The following SNRNP200 variants were observed in gnomAD, a reference collection of about 807,000 sequenced individuals.
SNRNP200 encodes small nuclear ribonucleoprotein U5 subunit 200, also known as U5 small nuclear ribonucleoprotein 200 kDa helicase.
Under a neutral mutation model 255.2 loss-of-function variants are expected in SNRNP200, and 66 were observed. That is an observed-to-expected ratio of 0.26 (90% CI 0.21 to 0.32). SNRNP200 has a LOEUF of 0.32. SNRNP200 is among the 10% of genes least tolerant of loss of function. The probability of loss-of-function intolerance (pLI) is 1.00; values close to 1 mark genes in which losing one functional copy is unlikely to be tolerated. For missense variants in SNRNP200, 1,585 were observed against 2,749.8 expected (o/e 0.58, Z 9.47); for synonymous variants, 939 against 1,027.8 (o/e 0.91, Z 1.65).
chr2:96,284,970 G>T lies in SNRNP200; in HGVS notation c.4164+210C>A, dbSNP rs1305551962. The T allele has an allele frequency of 4.6e-6, 3 of 654,926 alleles. No homozygotes were observed. The African/African-American group carries it at 5.4e-5, about 12-fold the overall frequency. The allele number at this position is 654,926 out of a possible 1,614,324, so 40.6% of individuals were successfully genotyped here. On this transcript the variant is annotated intron_variant, in intron 30 of 44. Transcript: ENST00000323853. ...TCACCATGTTGGCCAGGCTGGTCTC[G>T]AACTCCTGATCTCCGGAGATCTGCC...
At chr2:96,295,704 G>A in intron 13 of SNRNP200, 46 bp from the exon 14 acceptor site, 1 of 1,601,620 alleles carries the variant, frequency 6.2e-7, no homozygotes, top group Non-Finnish European at 8.5e-7. Flanking sequence ...GAAGGGGCCT[G>A]GACACCATGC....
In SNRNP200 at chr2:96,278,927, G is replaced by A; in HGVS notation, c.5205C>T (p.His1735=). ...ESHLDHCMHD[H]FNAEIVTKTI... ...TCTTGGTGACGATCTCAGCATTGAA[G>A]TGGTCATGCATACAGTGGTCCAGGT... The change falls in exon 37 of 45, where the codon CAC becomes CAT. Residue 1735 remains histidine, a synonymous_variant. Coordinates refer to ENST00000323853, the MANE Select transcript of SNRNP200 (RefSeq NM_014014.5). This position sits in a 1 kb window ranked among gnomAD's most constrained non-coding sequence, Gnocchi z 6.9. 1 of 1,614,168 alleles carries A rather than the reference G, an allele frequency of 6.2e-7. No individual in the cohort carries two copies. Among genetic ancestry groups the A allele is most frequent in the Non-Finnish European group, 8.5e-7 (1 of 1,179,962 alleles).
rs1351687362 is a variant in SNRNP200, at chr2:96,290,464, T to G, written c.2604A>C (p.Ile868=). ...RPQYDTKGEG[I]LITSHGELQY... ...GTAGCTCCCCATGAGATGTGATGAG[T>G]ATGCCTTCACCCTTGGTGTCATACT... The change falls in exon 20 of 45, where the codon ATA becomes ATC. Residue 868 remains isoleucine (I), a synonymous_variant. Transcript: ENST00000323853. The surrounding 1 kb of genome is among the most constrained non-coding windows in gnomAD (Gnocchi z 4.5). The G allele has an allele frequency of 6.2e-7, 1 of 1,614,134 alleles. No homozygotes were observed. Among genetic ancestry groups the G allele is most frequent in the Non-Finnish European group, 8.5e-7 (1 of 1,180,008 alleles).
Position 96,290,876 on chromosome 2 carries a change from T to C in SNRNP200, c.2422-61A>G. On this transcript the variant is annotated intron_variant, in intron 18 of 44. Transcript: ENST00000323853. The surrounding 1 kb of genome is among the most constrained non-coding windows in gnomAD (Gnocchi z 4.5). ...TGCCATCACCAGGGGTTAATATCCC[T>C]GGCTTCTCTAGGCAGTTGGCCTCAG... The C allele has an allele frequency of 6.2e-7, 1 of 1,610,170 alleles. No homozygotes were observed. Among genetic ancestry groups the C allele is most frequent in the Non-Finnish European group, 8.5e-7 (1 of 1,177,594 alleles).
chr2:96,278,132 G>A lies in SNRNP200; in HGVS notation c.5610+105C>T, dbSNP rs545841446. 32 of 1,569,924 alleles carry A rather than the reference G, an allele frequency of 2.0e-5. No individual in the cohort carries two copies. Among genetic ancestry groups the A allele is most frequent in the African/African-American group, 2.0e-4 (15 of 74,146 alleles). ...AGCGGGAGGACATATGGCGGGGGTC[G>A]GGGGATGCGTATGGGCGTGTTGGTG... On this transcript the variant is annotated intron_variant, in intron 39 of 44. Transcript: ENST00000323853. This position sits in a 1 kb window ranked among gnomAD's most constrained non-coding sequence, Gnocchi z 6.9.
In SNRNP200 at chr2:96,274,538, G is replaced by T. The variant is rs1248651358; in HGVS notation, c.*474C>A. 1 of 228,858 alleles carries T rather than the reference G, an allele frequency of 4.4e-6. No homozygotes were observed. 14.2% of individuals were successfully genotyped at this position (228,858 alleles called of 1,614,324 possible). ...GATGTGTGGGTACCACTGAGGCCAGGCCACAGTCGCATGTACCCTCCTCTG... is the reference window on the plus strand; with the variant it reads ...GATGTGTGGGTACCACTGAGGCCAGTCCACAGTCGCATGTACCCTCCTCTG... On this transcript the variant is annotated 3_prime_UTR_variant, in exon 45 of 45. Coordinates refer to ENST00000323853, the MANE Select transcript of SNRNP200 (RefSeq NM_014014.5).
chr2:96,285,379 A>G (rs754330495), intron 29 of SNRNP200, 39 bp from the exon 30 acceptor site: 2 of 1,605,580 alleles, frequency 1.2e-6, no homozygotes, highest in Admixed American at 1.7e-5. Flanking sequence ...AGTATCAAGA[A>G]GGAAGAAGAG....
rs895127555 is a variant in SNRNP200, at chr2:96,287,674, A to T, written c.3366-117T>A. 7 of 938,336 alleles carry T rather than the reference A, an allele frequency of 7.5e-6. No homozygotes were observed. The highest frequency in any genetic ancestry group is 1.7e-5 in the Admixed American group (1 of 58,938). 58.1% of individuals were successfully genotyped at this position (938,336 alleles called of 1,614,324 possible). A position where few individuals can be genotyped will look rare whatever the true frequency, so the allele number is the denominator to read the frequency against. On this transcript the variant is annotated intron_variant, in intron 25 of 44. Transcript: ENST00000323853. This position sits in a 1 kb window ranked among gnomAD's most constrained non-coding sequence, Gnocchi z 5.7. ...CACAAAACACAGTCATTAAAGGCAG[A>T]CACTGACACTGTGCCAGCCCTGGCC...
chr2:96,282,146 T>C (rs2063802657), intron 34 of SNRNP200: 2 of 526,250 alleles, frequency 3.8e-6, no homozygotes, highest in South Asian at 4.1e-5. Flanking sequence ...AAACAAGTCA[T>C]CATAGAACAG....
rs2063819456 is a variant in SNRNP200 at position 96,283,462 on chromosome 2, A to G, written c.4763+73T>C. 1.2e-6 allele frequency: 2 copies of G among 1,612,454 alleles called. No homozygotes were observed. The highest frequency in any genetic ancestry group is 1.3e-5 in the African/African-American group (1 of 74,818). The stretch of plus-strand genomic sequence containing the variant: ...CAACATGGGCTAACCCCACCCTCAT[A>G]AAGAGGACACCCTTGGAGTAGGCCA... On this transcript the variant is annotated intron_variant, in intron 33 of 44. Coordinates refer to ENST00000323853, the MANE Select transcript of SNRNP200 (RefSeq NM_014014.5). This position sits in a 1 kb window ranked among gnomAD's most constrained non-coding sequence, Gnocchi z 4.7.
chr2:96,289,803 A>G lies in SNRNP200; in HGVS notation c.2936T>C (p.Phe979Ser). The change falls in exon 21 of 45, where the codon TTC becomes TCC. Residue 979 changes from phenylalanine (F) to serine (S), a missense_variant. Transcript: ENST00000323853. ...CAAAACCCTCACCCCACGCACCTGGAAGTTGCCCGTCTTCTTGTCGTACTT... is the reference window on the plus strand; with the variant it reads ...CAAAACCCTCACCCCACGCACCTGGGAGTTGCCCGTCTTCTTGTCGTACTT... ...LVKYDKKTGN[F>S]QVTELGRIAS... 6.2e-7 allele frequency: 1 copy of G among 1,614,036 alleles called. No homozygotes were observed. Among genetic ancestry groups the G allele is most frequent in the Non-Finnish European group, 8.5e-7 (1 of 1,180,022 alleles).
At chr2:96,289,206 C>T (rs2063868436) in intron 22 of SNRNP200, 21 bp downstream of exon 22, 1 of 1,614,128 alleles carries the variant, frequency 6.2e-7, no homozygotes, top group South Asian at 1.1e-5. Context: ...CTCCCCGCCC[C>T]ATCATGCTGC....
chr2:96,291,912 C>T lies in SNRNP200; in HGVS notation c.2161-12G>A. ...ACAAACACCAGCACCTAAGGAGAAGCCACAGTTTGCTACAGTCACGAGATA... is the reference window on the plus strand; with the variant it reads ...ACAAACACCAGCACCTAAGGAGAAGTCACAGTTTGCTACAGTCACGAGATA... On this transcript the variant is annotated splice_polypyrimidine_tract_variant and intron_variant, in intron 16 of 44. Transcript: ENST00000323853. This position sits in a 1 kb window ranked among gnomAD's most constrained non-coding sequence, Gnocchi z 4.2. 6.2e-7 allele frequency: 1 copy of T among 1,613,570 alleles called. No homozygotes were observed.
At chr2:96,304,946 G>GA (rs1190424296) in intron 1 of SNRNP200, 78 bp from the exon 2 acceptor site, 77 of 1,521,262 alleles carry the variant, frequency 5.1e-5, no homozygotes, top group Non-Finnish European at 6.5e-5. Flanking sequence ...CCAGCTGATG[G>GA]AAAAAATCGT....
At chr2:96,301,097 G>C (rs749911638) in intron 4 of SNRNP200, 44 bp from the exon 5 acceptor site, 63 of 1,549,790 alleles carry the variant, frequency 4.1e-5, no homozygotes, top group Non-Finnish European at 5.5e-5. Flanking sequence ...TGAATGGCTA[G>C]TAAAACAAGG....
In SNRNP200 at chr2:96,277,236, C is replaced by T. The variant is rs1684683036; in HGVS notation, c.5937G>A (p.Val1979=). ...EHIKRCTDKG[V]ESVFDIMEME... is the part of the protein sequence containing the mutation. ...TCTCCATGATGTCGAAAACACTCTC[C>T]ACTCCCTGCAGTGAGTATTCAGACG... The change falls in exon 42 of 45, where the codon GTG becomes GTA. Residue 1979 remains valine, a synonymous_variant. Transcript: ENST00000323853. The surrounding 1 kb of genome is among the most constrained non-coding windows in gnomAD (Gnocchi z 4.4). The T allele has an allele frequency of 6.2e-7, 1 of 1,614,006 alleles. No individual in the cohort carries two copies. The highest frequency in any genetic ancestry group is 1.3e-5 in the African/African-American group (1 of 74,896).
intron 29 of SNRNP200, among the ~76,000 whole-genome samples, chr2:96,285,568 AG>A (rs1264353341): frequency 1.3e-5 from 2 of 152,222 alleles, no homozygotes; most frequent in Admixed American, 1.3e-4. Flanking sequence ...CAAGATCAAG[AG>A]CCCAGGTCCC....
chr2:96,276,852 G>T, intron 43 of SNRNP200, 52 bp downstream of exon 43: 1 of 1,528,954 alleles, frequency 6.5e-7, no homozygotes, highest in Non-Finnish European at 9.1e-7. Flanking sequence ...CAAGCACCTA[G>T]CCAATGGATA....
At position 96,289,730 on chromosome 2, in the gene SNRNP200, C is replaced by G. The variant is rs761649979; in HGVS notation, c.2940+69G>C. ...GCAGTACTCACATCAAGAGAGCAAT[C>G]TGAAAAATTTTTTCCTGGGCCAACA... On this transcript the variant is annotated intron_variant, in intron 21 of 44. Coordinates refer to ENST00000323853, the MANE Select transcript of SNRNP200 (RefSeq NM_014014.5). 3.8e-4 allele frequency: 543 copies of G among 1,440,066 alleles called. 1 individual carries two copies. The highest frequency in any genetic ancestry group is 2.0e-4 in the Non-Finnish European group (208 of 1,023,594). 89.2% of individuals were successfully genotyped at this position (1,440,066 alleles called of 1,614,324 possible).
Sources: allele counts gnomAD v4.1 joint callset (sites outside exome capture counted in the v4.1 genomes callset), GRCh38; gene constraint gnomAD v4.1.1; non-coding constraint Gnocchi (gnomAD v3.1); transcripts MANE v1.5; gene names NCBI Gene and HGNC (gene_info 2026-07-23, HGNC 2026-07-21).